The following JAK2 variants were observed in gnomAD, a reference collection of about 807,000 sequenced individuals.
JAK2 encodes tyrosine-protein kinase JAK2.
A neutral mutation model predicts 139.3 loss-of-function variants in JAK2; 86 were observed. The observed-to-expected ratio is 0.62, with a 90% CI of 0.52 to 0.74. The LOEUF is 0.74. Among genes scored for constraint, JAK2 ranks in the 30% least tolerant of loss-of-function variants. The pLI, the probability that JAK2 is intolerant of heterozygous loss-of-function variation, is 0.00. For missense variants in JAK2, 1,421 were observed against 1,360.3 expected (o/e 1.04, Z -0.70); for synonymous variants, 490 against 437.7 (o/e 1.12, Z -1.49).
chr9:5,080,221 T>C lies in JAK2; in HGVS notation c.2132-8T>C, dbSNP rs188674247. On this transcript the variant is annotated splice_polypyrimidine_tract_variant and splice_region_variant and intron_variant, in intron 16 of 24. Transcript: ENST00000381652. ...ATTTAACCCTACTCTGTTCGTATCA[T>C]TTAAAAGTTCTTCAGGAGAGAATAC... is the stretch of plus-strand genomic sequence containing the variant. 8 of 1,605,218 alleles carry C rather than the reference T, an allele frequency of 5.0e-6. No homozygotes were observed. The Admixed American group carries it at 1.4e-4, about 27-fold the overall frequency.
Position 5,054,532 on chromosome 9 carries a change from T to C in JAK2, c.615-31T>C. 1 of 1,512,466 alleles carries C rather than the reference T, an allele frequency of 6.6e-7. No individual in the cohort carries two copies. The highest frequency in any genetic ancestry group is 1.3e-5 in the South Asian group (1 of 77,232). 93.7% of individuals were successfully genotyped at this position (1,512,466 alleles called of 1,614,324 possible). A position where few individuals can be genotyped will look rare whatever the true frequency, so the allele number is the denominator to read the frequency against. ...TTATCTTCCAATTTTTGTTTTGTTT[T>C]GTTTTTCTGTATGTGCTTTTTTATC... is the stretch of plus-strand genomic sequence containing the variant. On this transcript the variant is annotated intron_variant, in intron 6 of 24. Coordinates refer to ENST00000381652, the MANE Select transcript of JAK2 (RefSeq NM_004972.4). This position sits in a 1 kb window ranked among gnomAD's most constrained non-coding sequence, Gnocchi z 4.9.
intron 2 of JAK2, among the ~76,000 whole-genome samples, chr9:5,019,917 G>C: frequency 6.6e-6 from 1 of 152,234 alleles, no homozygotes; most frequent in Non-Finnish European, 1.5e-5. Flanking sequence ...TCAGTCCTCA[G>C]TTGTGGCAGC....
intron 8 of JAK2, among the ~76,000 whole-genome samples, chr9:5,056,138 C>G (rs1209239285): frequency 6.6e-6 from 1 of 151,930 alleles, no homozygotes; most frequent in East Asian, 1.9e-4. Context: ...TGTATATGTG[C>G]CAGTTATACT....
intron 2 of JAK2, among the ~76,000 whole-genome samples, chr9:5,014,219 G>C (rs1347337502): frequency 2.7e-5 from 4 of 147,712 alleles, no homozygotes; most frequent in Non-Finnish European, 5.9e-5. Flanking sequence ...GCCCAGGCTG[G>C]ACTTGAACTC....
chr9:5,000,478 C>T (rs1339276488), intron 2 of JAK2, among the ~76,000 whole-genome samples: 2 of 151,994 alleles, frequency 1.3e-5, no homozygotes, highest in East Asian at 1.9e-4. Context: ...TAAAGAGAAG[C>T]GTAACATAAA....
intron 4 of JAK2, among the ~76,000 whole-genome samples, chr9:5,042,173 C>A (rs1451448541): frequency 1.3e-5 from 2 of 149,426 alleles, no homozygotes; most frequent in African/African-American, 4.9e-5. Flanking sequence ...CTTTGTCGCC[C>A]AGGCCGGACT....
chr9:4,992,026 G>A (rs1820285841), intron 2 of JAK2, among the ~76,000 whole-genome samples: 2 of 152,184 alleles, frequency 1.3e-5, no homozygotes, highest in African/African-American at 4.8e-5. Context: ...CCATGGGTCA[G>A]TAATTGAGAC....
chr9:5,006,638 A>G (rs1821321236), intron 2 of JAK2, among the ~76,000 whole-genome samples: 2 of 152,184 alleles, frequency 1.3e-5, no homozygotes, highest in Non-Finnish European at 2.9e-5. Flanking sequence ...AACAGGAAAG[A>G]GACAGCAAAG....
chr9:5,049,857 T>A (rs150814581), intron 5 of JAK2, among the ~76,000 whole-genome samples: 4 of 152,352 alleles, frequency 2.6e-5, no homozygotes, highest in Non-Finnish European at 5.9e-5. Flanking sequence ...TATAGCATGT[T>A]GCTGTACTGA....
At chr9:5,030,810 A>G (rs1418011937) in intron 4 of JAK2, among the ~76,000 whole-genome samples, 1 of 152,058 alleles carries the variant, frequency 6.6e-6, no homozygotes, top group African/African-American at 2.4e-5. Context: ...ATGTGTTTGC[A>G]TTTACTGATG....
intron 2 of JAK2, among the ~76,000 whole-genome samples, chr9:4,988,791 C>G (rs766799634): frequency 3.9e-5 from 6 of 152,104 alleles, no homozygotes; most frequent in Admixed American, 2.6e-4. Flanking sequence ...CTCCGAATGC[C>G]CCAAGTGAAA....
rs141698053 is a variant in JAK2, at chr9:5,092,767, A to C, written c.3059+1856A>C. ...ACGTGGCAAAATAGTGGGAAGATTC[A>C]TGAGTAGTGGTGATAAGCCTATCAA... On this transcript the variant is annotated intron_variant, in intron 22 of 24. Coordinates refer to ENST00000381652, the MANE Select transcript of JAK2 (RefSeq NM_004972.4). Among the ~76,000 whole-genome samples, 222 of 152,320 alleles carry C rather than the reference A, an allele frequency of 1.5e-3. 2 individuals are homozygous for C. The highest frequency in any genetic ancestry group is 4.8e-3 in the African/African-American group (201 of 41,572).
chr9:4,994,733 C>T (rs1820463670), intron 2 of JAK2, among the ~76,000 whole-genome samples: 1 of 152,158 alleles, frequency 6.6e-6, no homozygotes, highest in Admixed American at 6.5e-5. Context: ...GTGAACTGTG[C>T]TCTGCCAATT....
chr9:5,106,926 A>C (rs1021083086), intron 22 of JAK2, among the ~76,000 whole-genome samples: 20 of 152,198 alleles, frequency 1.3e-4, no homozygotes, highest in Non-Finnish European at 1.8e-4. Flanking sequence ...GAAATACCTA[A>C]TGTAAATGAC....
chr9:5,016,447 G>A (rs1426960725), intron 2 of JAK2, among the ~76,000 whole-genome samples: 2 of 152,124 alleles, frequency 1.3e-5, no homozygotes, highest in Non-Finnish European at 2.9e-5. Flanking sequence ...CAATGAGCCT[G>A]CAAACCAAAT....
intron 2 of JAK2, among the ~76,000 whole-genome samples, chr9:5,004,666 T>C (rs1821155700): frequency 6.6e-6 from 1 of 152,206 alleles, no homozygotes; most frequent in Non-Finnish European, 1.5e-5. Context: ...TGCTAAATCA[T>C]ATGGTAGTTC....
At chr9:5,073,140 T>C (rs1819082962) in intron 13 of JAK2, among the ~76,000 whole-genome samples, 1 of 152,198 alleles carries the variant, frequency 6.6e-6, no homozygotes, top group African/African-American at 2.4e-5. Flanking sequence ...TAGAAGATGA[T>C]GTGAAAAGTT....
intron 22 of JAK2, among the ~76,000 whole-genome samples, chr9:5,106,255 C>A (rs1160391991): frequency 1.3e-5 from 2 of 152,214 alleles, no homozygotes; most frequent in Non-Finnish European, 2.9e-5. Context: ...ACAGACACTT[C>A]TCAAAAGAAG....
intron 16 of JAK2, among the ~76,000 whole-genome samples, chr9:5,079,431 C>G (rs1173021483): frequency 6.6e-6 from 1 of 151,904 alleles, no homozygotes; most frequent in Non-Finnish European, 1.5e-5. Flanking sequence ...TATATCAATT[C>G]CATATATCTA....
Sources: allele counts gnomAD v4.1 joint callset (sites outside exome capture counted in the v4.1 genomes callset), GRCh38; gene constraint gnomAD v4.1.1; non-coding constraint Gnocchi (gnomAD v3.1); transcripts MANE v1.5; gene names NCBI Gene and HGNC (gene_info 2026-07-23, HGNC 2026-07-21).